The following CCDC47 variants were observed in gnomAD, a reference collection of about 807,000 sequenced individuals.
CCDC47 encodes the protein coiled-coil domain containing 47, also known as PAT complex subunit CCDC47.
A neutral mutation model predicts 60.5 loss-of-function variants in CCDC47; 41 were observed. The observed-to-expected ratio is 0.68, with a 90% CI of 0.53 to 0.88. The LOEUF is 0.88. Ranked by LOEUF, CCDC47 falls within the 40% of genes least tolerant of loss-of-function variation. The pLI is 0.00. For synonymous variants in CCDC47, 195 were observed against 190.7 expected (o/e 1.02, Z -0.18); for missense variants, 513 against 580.9 (o/e 0.88, Z 1.20).
chr17:63,761,748 C>A, intron 4 of CCDC47: 1 of 851,810 alleles, frequency 1.2e-6, no homozygotes, highest in Non-Finnish European at 1.4e-6. Context: ...TCTACCCTGA[C>A]CACAAAATGA....
intron 6 of CCDC47, among the ~76,000 whole-genome samples, chr17:63,759,058 A>T (rs892601203): frequency 1.3e-5 from 2 of 152,210 alleles, no homozygotes; most frequent in African/African-American, 4.8e-5. Context: ...TCCTAATAAG[A>T]TGGCAGTTTG....
At chr17:63,768,056 C>T (rs946891406) in intron 1 of CCDC47, among the ~76,000 whole-genome samples, 4 of 152,110 alleles carry the variant, frequency 2.6e-5, no homozygotes, top group Admixed American at 6.6e-5. Context: ...ACTTTTCCTC[C>T]CTAAAAACTA....
intron 1 of CCDC47, among the ~76,000 whole-genome samples, chr17:63,769,280 A>C (rs2039318963): frequency 6.6e-6 from 1 of 151,302 alleles, no homozygotes; most frequent in Admixed American, 6.6e-5. Flanking sequence ...GTTACAAATG[A>C]AGTCGAAACC....
chr17:63,771,164 T>C (rs2039338744), intron 1 of CCDC47, among the ~76,000 whole-genome samples: 1 of 151,990 alleles, frequency 6.6e-6, no homozygotes, highest in East Asian at 1.9e-4. Flanking sequence ...GCCCTACCCA[T>C]GGGTTCCACA....
intron 12 of CCDC47, chr17:63,747,557 G>T: frequency 1.0e-6 from 1 of 984,564 alleles, no homozygotes; most frequent in Non-Finnish European, 1.2e-6. Context: ...GAAGGTTCAG[G>T]TTATTATTAC....
chr17:63,756,986 G>A (rs911739463), intron 6 of CCDC47, among the ~76,000 whole-genome samples: 12 of 151,988 alleles, frequency 7.9e-5, no homozygotes, highest in African/African-American at 2.9e-4. Context: ...ACAGTAGTTC[G>A]TGCCTTTAAG....
rs113783145 is a variant in CCDC47 at position 63,749,394 on chromosome 17, CAAACA to C, written c.1372-2438_1372-2434del. On this transcript the variant is annotated intron_variant, in intron 12 of 12. Transcript: ENST00000225726. ...TGGGCAACACAGCAAGACTATGTCT[CAAACA>C]AAACAAAACAAAACAAAACAAGTGG... Among the ~76,000 whole-genome samples the C allele has an allele frequency of 8.2e-3, 1,160 of 140,940 alleles. 12 individuals carry two copies. The highest frequency in any genetic ancestry group is 0.026 in the African/African-American group (957 of 37,322). 92.5% of individuals were successfully genotyped at this position (140,940 alleles called of 152,430 possible).
At chr17:63,763,308 AG>A (rs2039273942) in intron 4 of CCDC47, among the ~76,000 whole-genome samples, 1 of 152,098 alleles carries the variant, frequency 6.6e-6, no homozygotes, top group Admixed American at 6.6e-5. Flanking sequence ...AGATTGCTTG[AG>A]CCCAGGAGTT....
At chr17:63,756,187 A>T in intron 8 of CCDC47, 53 bp downstream of exon 8, 1 of 1,148,260 alleles carries the variant, frequency 8.7e-7, no homozygotes, top group Admixed American at 1.7e-5. Flanking sequence ...TTTTAGGGAG[A>T]GTGTCCTGTA....
rs768570595 is a variant in CCDC47, at chr17:63,751,996, C to T, written c.1315G>A (p.Ala439Thr). The change falls in exon 12 of 13, where the codon GCA (alanine) becomes ACA (threonine). Residue 439 changes from alanine to threonine, a missense_variant. Ala to Thr is a moderately conservative substitution (Grantham distance 58). Transcript: ENST00000225726. ...AQSRREEKKRAEKERIMNEED... is the reference protein window; with the variant it reads ...AQSRREEKKRTEKERIMNEED... ...TCATTCATGATTCGCTCCTTCTCTG[C>T]TCTTTTTTTCTCCTCCCGCCGAGAC... 2 of 1,613,662 alleles carry T rather than the reference C, an allele frequency of 1.2e-6. No individual in the cohort carries two copies. Among genetic ancestry groups the T allele is most frequent in the South Asian group, 2.2e-5 (2 of 91,076 alleles).
intron 1 of CCDC47, among the ~76,000 whole-genome samples, chr17:63,771,248 A>C (rs1422578523): frequency 6.6e-6 from 1 of 152,108 alleles, no homozygotes; most frequent in Non-Finnish European, 1.5e-5. Context: ...CAATTAAATT[A>C]GGTATTATAA....
chr17:63,766,744 A>T, intron 1 of CCDC47: 1 of 783,994 alleles, frequency 1.3e-6, no homozygotes, highest in Non-Finnish European at 1.5e-6. Flanking sequence ...TAATTTCTTT[A>T]GGTTGGGTTT....
intron 12 of CCDC47, among the ~76,000 whole-genome samples, chr17:63,748,427 T>C (rs760450126): frequency 3.9e-5 from 6 of 152,032 alleles, no homozygotes; most frequent in Non-Finnish European, 5.9e-5. Flanking sequence ...TTAGGTTTCT[T>C]TTCAATTTTT....
chr17:63,755,367 C>T lies in CCDC47; in HGVS notation c.949-849G>A, dbSNP rs184470231. 1.1e-3 allele frequency: 988 copies of T among 934,406 alleles called. No homozygotes were observed. In the Middle Eastern group the frequency reaches 0.012, roughly 12 times the overall value. The allele number at this position is 934,406 out of a possible 1,614,324, so 57.9% of individuals were successfully genotyped here. A position where few individuals can be genotyped will look rare whatever the true frequency, so the allele number is the denominator to read the frequency against. On this transcript the variant is annotated intron_variant, in intron 8 of 12. Coordinates refer to ENST00000225726, the MANE Select transcript of CCDC47 (RefSeq NM_020198.3). ...GGGTGCAGTGGCTCATGCCTGTAAT[C>T]CAAGCGCTTTGGGAGGCCAAGGTGG...
chr17:63,757,197 C>CAAA (rs201632430), intron 6 of CCDC47, among the ~76,000 whole-genome samples: 1 of 99,870 alleles, frequency 1.0e-5, no homozygotes, highest in Non-Finnish European at 2.1e-5. Flanking sequence ...CCCATCTGTA[C>CAAA]AAAAAAAAAA....
In CCDC47 at chr17:63,756,583, T is replaced by C; in HGVS notation, c.736-13A>G. 1.3e-6 allele frequency: 2 copies of C among 1,590,326 alleles called. No homozygotes were observed. The highest frequency in any genetic ancestry group is 1.7e-6 in the Non-Finnish European group (2 of 1,159,518). On this transcript the variant is annotated splice_polypyrimidine_tract_variant and intron_variant, in intron 6 of 12. Coordinates refer to ENST00000225726, the MANE Select transcript of CCDC47 (RefSeq NM_020198.3). ...TTACTTTTATTTGCTTTTAAAAAAATGTAAAAAACAACAAAATTCACCTGT... is the reference window on the plus strand; with the variant it reads ...TTACTTTTATTTGCTTTTAAAAAAACGTAAAAAACAACAAAATTCACCTGT...
At chr17:63,767,085 A>T in intron 1 of CCDC47, 1 of 195,348 alleles carries the variant, frequency 5.1e-6, no homozygotes, top group Non-Finnish European at 9.3e-6. Context: ...CCATTTCACT[A>T]ATAAGGAAAA....
chr17:63,767,455 T>G (rs959643370), intron 1 of CCDC47, among the ~76,000 whole-genome samples: 1 of 151,926 alleles, frequency 6.6e-6, no homozygotes, highest in Non-Finnish European at 1.5e-5. Context: ...TTTTCCCAAA[T>G]AGGTAAGGCT....
chr17:63,761,794 T>C, intron 4 of CCDC47: 3 of 979,700 alleles, frequency 3.1e-6, no homozygotes, highest in Non-Finnish European at 3.6e-6. Context: ...TGCTGTCTTA[T>C]AGAACTGTTT....
Sources: allele counts gnomAD v4.1 joint callset (sites outside exome capture counted in the v4.1 genomes callset), GRCh38; gene constraint gnomAD v4.1.1; transcripts MANE v1.5; gene names NCBI Gene and HGNC (gene_info 2026-07-23, HGNC 2026-07-21).